MAMLD1: variants seen among roughly 807,000 people sequenced by gnomAD.
MAMLD1 encodes the protein mastermind-like domain-containing protein 1.
A neutral mutation model predicts 45.0 loss-of-function variants in MAMLD1; 14 were observed. That is an observed-to-expected ratio of 0.31 (90% CI 0.21 to 0.49). The LOEUF (loss-of-function observed/expected upper bound fraction) is 0.49. Among genes scored for constraint, MAMLD1 ranks in the 20% least tolerant of loss-of-function variants. The pLI is 0.99. For synonymous variants in MAMLD1, 254 were observed against 247.8 expected, an observed-to-expected ratio of 1.02 and a Z score of -0.24; for missense variants, 543 against 603.6, an observed-to-expected ratio of 0.90 and a Z score of 1.05.
intron 5 of MAMLD1, among the ~76,000 whole-genome samples, chrX:150,493,557 A>G (rs1391468518): frequency 1.8e-5 from 2 of 111,606 alleles, no homozygotes; most frequent in Non-Finnish European, 3.8e-5. Flanking sequence ...TAGAACATTC[A>G]GAATGTTTTA....
chrX:150,491,240 CTGAGGTCATA>C (rs2037177619), intron 5 of MAMLD1, among the ~76,000 whole-genome samples: 1 of 111,854 alleles, frequency 8.9e-6, no homozygotes, highest in Non-Finnish European at 1.9e-5. Context: ...CACTGGTTGT[CTGAGGTCATA>C]CAGCTGCCAA....
rs149651639 is a variant in MAMLD1 at position 150,470,446 on chromosome X, C to T, written c.873C>T (p.Val291=). The T allele has an allele frequency of 1.8e-4, 213 of 1,210,680 alleles. 1 individual carries two copies. In the African/African-American group the frequency reaches 3.4e-3, roughly 20 times the overall value. ...SKSQVQAMLP[V]ALPPLPVPQW... The stretch of plus-strand genomic sequence containing the variant: ...GCCAGGTCCAGGCCATGCTCCCTGT[C>T]GCTCTGCCCCCCTTACCAGTGCCTC... The change falls in exon 4 of 8, where the codon GTC becomes GTT. Residue 291 remains valine, a synonymous_variant. Coordinates refer to ENST00000370401, the MANE Select transcript of MAMLD1 (RefSeq NM_005491.5).
intron 1 of MAMLD1, among the ~76,000 whole-genome samples, chrX:150,373,916 C>A (rs1367946128): frequency 8.9e-6 from 1 of 111,882 alleles, no homozygotes; most frequent in Non-Finnish European, 1.9e-5. Flanking sequence ...CACACCCCAC[C>A]CTCCACCCCA....
intron 1 of MAMLD1, among the ~76,000 whole-genome samples, chrX:150,383,006 G>T (rs1334024481): frequency 1.8e-5 from 1 of 54,371 alleles, no homozygotes; most frequent in Non-Finnish European, 3.1e-5. Flanking sequence ...CCGGGTTCAC[G>T]CCATTCTCCT....
At chrX:150,443,074 C>A (rs1334253342) in intron 1 of MAMLD1, among the ~76,000 whole-genome samples, 3 of 111,541 alleles carry the variant, frequency 2.7e-5, no homozygotes, top group African/African-American at 9.8e-5. Flanking sequence ...GTATTCAAGG[C>A]TTTTCTCTTC....
chrX:150,401,814 A>G (rs1292234115), intron 1 of MAMLD1, among the ~76,000 whole-genome samples: 4 of 111,292 alleles, frequency 3.6e-5, no homozygotes, highest in Non-Finnish European at 5.7e-5. Flanking sequence ...AAAACAAGCA[A>G]TGGGGAAAGG....
intron 2 of MAMLD1, among the ~76,000 whole-genome samples, chrX:150,455,468 G>A (rs2035824969): frequency 1.8e-5 from 2 of 111,805 alleles, no homozygotes; most frequent in Non-Finnish European, 3.8e-5. Flanking sequence ...GAATGTGTTT[G>A]CATTTTCAAG....
intron 1 of MAMLD1, among the ~76,000 whole-genome samples, chrX:150,388,108 T>C (rs185764424): frequency 8.9e-6 from 1 of 112,079 alleles, no homozygotes; most frequent in Admixed American, 9.5e-5. Context: ...TAATTCTTCT[T>C]TAAACATCTG....
chrX:150,475,197 T>A (rs181064274), intron 5 of MAMLD1, among the ~76,000 whole-genome samples: 1 of 109,733 alleles, frequency 9.1e-6, no homozygotes, highest in Admixed American at 9.6e-5. Context: ...TCTGGATCTT[T>A]GAGGTTTTGT....
intron 5 of MAMLD1, among the ~76,000 whole-genome samples, chrX:150,474,617 T>A (rs1557406771): frequency 8.9e-6 from 1 of 112,122 alleles, no homozygotes. Flanking sequence ...ATGAGATTGA[T>A]AGGAGTTGTG....
intron 2 of MAMLD1, among the ~76,000 whole-genome samples, chrX:150,460,845 A>T (rs782653263): frequency 8.9e-6 from 1 of 112,213 alleles, no homozygotes; most frequent in East Asian, 2.8e-4. Flanking sequence ...GAAATGTACC[A>T]GTAGCCCCTC....
At chrX:150,401,799 T>G (rs1306826569) in intron 1 of MAMLD1, among the ~76,000 whole-genome samples, 1 of 111,222 alleles carries the variant, frequency 9.0e-6, no homozygotes, top group East Asian at 2.8e-4. Flanking sequence ...TTGACAAATC[T>G]GAGAAAAACA....
At chrX:150,468,640 G>T (rs1200333089) in intron 3 of MAMLD1, among the ~76,000 whole-genome samples, 2 of 110,977 alleles carry the variant, frequency 1.8e-5, no homozygotes, top group African/African-American at 6.6e-5. Flanking sequence ...TGAAGAGTAG[G>T]AAGTCTCACA....
chrX:150,417,953 A>G (rs1793561040), intron 1 of MAMLD1, among the ~76,000 whole-genome samples: 1 of 111,433 alleles, frequency 9.0e-6, no homozygotes, highest in Non-Finnish European at 1.9e-5. Flanking sequence ...CTGGCCTCAT[A>G]AAATGAGTTA....
chrX:150,512,068 C>T lies in MAMLD1; in HGVS notation c.*109C>T. ...AGGCAAGCCCCCCATCTAGCAAGCA[C>T]TTGATGCCACCCAGAACTGGGCTTC... On this transcript the variant is annotated 3_prime_UTR_variant, in exon 8 of 8. Coordinates refer to ENST00000370401, the MANE Select transcript of MAMLD1 (RefSeq NM_005491.5). 1 of 1,136,507 alleles carries T rather than the reference C, an allele frequency of 8.8e-7. No individual in the cohort carries two copies. Among genetic ancestry groups the T allele is most frequent in the Non-Finnish European group, 1.2e-6 (1 of 862,294 alleles). 93.7% of individuals were successfully genotyped at this position (1,136,507 alleles called of 1,213,427 possible). A position where few individuals can be genotyped will look rare whatever the true frequency, so the allele number is the denominator to read the frequency against.
At chrX:150,382,880 A>ATTTTTTTTTTTTTTTTTTTTTTT (rs1353229416) in intron 1 of MAMLD1, among the ~76,000 whole-genome samples, 1 of 31,375 alleles carries the variant, frequency 3.2e-5, no homozygotes, top group Admixed American at 3.7e-4. Context: ...GTCCCATTTT[A>ATTTTTTTTTTTTTTTTTTTTTTT]TTTTATTTTT....
At position 150,470,240 on chromosome X, in the gene MAMLD1, C is replaced by A. The variant is rs1368048718; in HGVS notation, c.667C>A (p.Pro223Thr). 8.3e-7 allele frequency: 1 copy of A among 1,210,183 alleles called. No homozygotes were observed. Among genetic ancestry groups the A allele is most frequent in the Admixed American group, 2.2e-5 (1 of 45,838 alleles). Reference protein sequence around the residue: ...PQATLSTTPKPSVQMSHLESL... With the variant: ...PQATLSTTPKTSVQMSHLESL... ...GGCAACCCTAAGCACAACTCCCAAG[C>A]CTTCGGTTCAGATGTCACACTTGGA... is the stretch of plus-strand genomic sequence containing the variant. The change falls in exon 4 of 8, where the codon CCT (proline) becomes ACT (threonine). Residue 223 changes from proline (P) to threonine (T), a missense_variant. Transcript: ENST00000370401.
chrX:150,370,693 C>A (rs938705739), intron 1 of MAMLD1, among the ~76,000 whole-genome samples: 15 of 111,843 alleles, frequency 1.3e-4, no homozygotes, highest in African/African-American at 4.9e-4. Context: ...TGCCTCCACC[C>A]CCCCAGCTCT....
chrX:150,482,018 A>AAGAAAGAG (rs2036825313), intron 5 of MAMLD1, among the ~76,000 whole-genome samples: 2 of 109,017 alleles, frequency 1.8e-5, no homozygotes, highest in African/African-American at 6.8e-5. Context: ...GAAAGAAAGA[A>AAGAAAGAG]AGAAAGAAAG....
Sources: gnomAD v4.1 joint callset for allele counts (sites outside exome capture counted in the v4.1 genomes callset) on GRCh38, gnomAD v4.1.1 for gene constraint, MANE v1.5 for transcripts, NCBI Gene and HGNC (gene_info 2026-07-23, HGNC 2026-07-21) for gene names.